Variants in ADCY1 observed in about 807,000 individuals in gnomAD.
ADCY1 encodes adenylate cyclase 1.
ADCY1 carries 28 observed loss-of-function variants against 105.4 expected under a neutral mutation model. The observed-to-expected ratio is 0.27, with a 90% CI of 0.20 to 0.36. ADCY1 has a LOEUF of 0.36. ADCY1 is among the 10% of genes least tolerant of loss of function. The pLI, the probability that ADCY1 is intolerant of heterozygous loss-of-function variation, is 1.00. For missense variants in ADCY1, 977 were observed against 1,434.2 expected (o/e 0.68, Z 5.15); for synonymous variants, 655 against 623.8 (o/e 1.05, Z -0.75).
chr7:45,593,118 A>G (rs1792973216), intron 2 of ADCY1, among the ~76,000 whole-genome samples: 1 of 152,158 alleles, frequency 6.6e-6, no homozygotes, highest in African/African-American at 2.4e-5. Context: ...CCCATGGGAT[A>G]GTGTTGGGAT....
chr7:45,676,974 A>G (rs1012964016), intron 8 of ADCY1, among the ~76,000 whole-genome samples: 1 of 149,054 alleles, frequency 6.7e-6, no homozygotes, highest in Non-Finnish European at 1.5e-5. Flanking sequence ...AAAAAAGTTG[A>G]TCTGTATCCA....
chr7:45,603,542 A>C (rs1473076689), intron 2 of ADCY1, among the ~76,000 whole-genome samples: 3 of 152,190 alleles, frequency 2.0e-5, no homozygotes, highest in Non-Finnish European at 4.4e-5. Flanking sequence ...TAACACAGAG[A>C]GATCCCATGT....
chr7:45,607,090 G>A (rs954909499), intron 2 of ADCY1, among the ~76,000 whole-genome samples: 1 of 152,066 alleles, frequency 6.6e-6, no homozygotes, highest in African/African-American at 2.4e-5. Flanking sequence ...ACTTTAGTCT[G>A]TGGTTATTAA....
chr7:45,592,970 G>T, intron 2 of ADCY1, 62 bp downstream of exon 2: 1 of 1,594,794 alleles, frequency 6.3e-7, no homozygotes, highest in Non-Finnish European at 8.6e-7. Flanking sequence ...GGTGGAAGAA[G>T]CTGGCTTCCT....
At chr7:45,589,423 G>T (rs1025783879) in intron 1 of ADCY1, among the ~76,000 whole-genome samples, 2 of 152,216 alleles carry the variant, frequency 1.3e-5, no homozygotes, top group Admixed American at 6.5e-5. Context: ...CCTCATCTCT[G>T]AGTAGCTCGT....
rs12668534 is a variant in ADCY1, at chr7:45,661,635, C to G, written c.1450-424C>G. ...AGGGAATTGAGGTTCTGAGCCTCAG[C>G]TGGGTGCACTGCCCAGCCCTCCCCA... is the stretch of plus-strand genomic sequence containing the variant. On this transcript the variant is annotated intron_variant, in intron 7 of 19. Transcript: ENST00000297323. 0.011 allele frequency among the ~76,000 whole-genome samples: 1,647 copies of G among 152,226 alleles called. 59 individuals carry two copies. The East Asian group carries it at 0.14, about 12-fold the overall frequency.
Position 45,703,364 on chromosome 7 carries a change from A to T in ADCY1, c.2455-12A>T, listed in dbSNP as rs1785038556. 6.2e-7 allele frequency: 1 copy of T among 1,613,400 alleles called. No homozygotes were observed. The highest frequency in any genetic ancestry group is 1.7e-5 in the Admixed American group (1 of 59,996). On this transcript the variant is annotated splice_polypyrimidine_tract_variant and intron_variant, in intron 14 of 19. Coordinates refer to ENST00000297323, the MANE Select transcript of ADCY1 (RefSeq NM_021116.4). This position sits in a 1 kb window ranked among gnomAD's most constrained non-coding sequence, Gnocchi z 5.9. ...GAGTGGATGGGACTAATGGAGGCTC[A>T]TGATACCCCAGGCAGAGGAGGAGCG...
At chr7:45,612,169 A>G (rs11523693) in intron 3 of ADCY1, among the ~76,000 whole-genome samples, 151,007 of 152,332 alleles carry the variant, frequency 0.99, 74,845 homozygotes, top group East Asian at 1. Flanking sequence ...TGCTTAAGCA[A>G]TGTGGGGTGA....
At chr7:45,665,317 G>T (rs945901194) in intron 8 of ADCY1, among the ~76,000 whole-genome samples, 1 of 152,230 alleles carries the variant, frequency 6.6e-6, no homozygotes, top group East Asian at 1.9e-4. Context: ...AGAGAGTCAA[G>T]TGTCTGCCTG....
At chr7:45,666,750 T>TA (rs1784268697) in intron 8 of ADCY1, among the ~76,000 whole-genome samples, 1 of 152,216 alleles carries the variant, frequency 6.6e-6, no homozygotes, top group African/African-American at 2.4e-5. Context: ...ACCAACAGTG[T>TA]AAAAGTGTTC....
At chr7:45,630,063 T>C (rs1794194892) in intron 4 of ADCY1, among the ~76,000 whole-genome samples, 1 of 152,264 alleles carries the variant, frequency 6.6e-6, no homozygotes. Flanking sequence ...GCCACTCATT[T>C]ATCTTTTTGG....
intron 19 of ADCY1, among the ~76,000 whole-genome samples, chr7:45,712,172 T>C (rs1785271529): frequency 7.0e-6 from 1 of 142,830 alleles, no homozygotes; most frequent in African/African-American, 2.6e-5. Flanking sequence ...AAATATTTTA[T>C]AATTTTATTT....
At chr7:45,639,880 C>T (rs1794492045) in intron 4 of ADCY1, among the ~76,000 whole-genome samples, 1 of 152,142 alleles carries the variant, frequency 6.6e-6, no homozygotes, top group South Asian at 2.1e-4. Flanking sequence ...GTGGGATATG[C>T]TGAGCCAACT....
At chr7:45,605,289 A>T (rs1226355113) in intron 2 of ADCY1, among the ~76,000 whole-genome samples, 1 of 151,962 alleles carries the variant, frequency 6.6e-6, no homozygotes, top group African/African-American at 2.4e-5. Context: ...TATTACTTTT[A>T]TTTCTTTCTT....
At chr7:45,655,504 T>C (rs192542951) in intron 5 of ADCY1, among the ~76,000 whole-genome samples, 14 of 152,364 alleles carry the variant, frequency 9.2e-5, no homozygotes, top group African/African-American at 3.4e-4. Flanking sequence ...CGAAGCCAGC[T>C]TGGGCATCCC....
chr7:45,651,298 T>A (rs1794803780), intron 5 of ADCY1, among the ~76,000 whole-genome samples: 1 of 152,166 alleles, frequency 6.6e-6, no homozygotes, highest in Non-Finnish European at 1.5e-5. Context: ...CAGTGTGTGC[T>A]CTGCACGGCC....
At chr7:45,697,448 T>TA (rs1784908213) in intron 14 of ADCY1, among the ~76,000 whole-genome samples, 1 of 141,414 alleles carries the variant, frequency 7.1e-6, no homozygotes, top group Non-Finnish European at 1.5e-5. Context: ...TGGAGTGCAA[T>TA]GGCACGATCT....
chr7:45,664,560 G>T, intron 8 of ADCY1: 1 of 1,274,026 alleles, frequency 7.8e-7, no homozygotes, highest in Non-Finnish European at 1.0e-6. Context: ...AAAATGAAAA[G>T]CATTTATCTG....
At chr7:45,599,070 T>C (rs983006698) in intron 2 of ADCY1, among the ~76,000 whole-genome samples, 3 of 152,150 alleles carry the variant, frequency 2.0e-5, no homozygotes, top group Non-Finnish European at 2.9e-5. Flanking sequence ...GTGACATGAC[T>C]CCTGTGTGCT....
Sources: allele counts gnomAD v4.1 joint callset (sites outside exome capture counted in the v4.1 genomes callset), GRCh38; gene constraint gnomAD v4.1.1; non-coding constraint Gnocchi (gnomAD v3.1); transcripts MANE v1.5; gene names NCBI Gene and HGNC (gene_info 2026-07-23, HGNC 2026-07-21).